The following ZNF428 variants were observed in gnomAD, a reference collection of about 807,000 sequenced individuals.
ZNF428 encodes the protein enzyme-like protein PIT13.
ZNF428 carries 5 observed loss-of-function variants against 15.6 expected under a neutral mutation model. The observed-to-expected ratio is 0.32, with a 90% confidence interval of 0.17 to 0.67. The LOEUF (loss-of-function observed/expected upper bound fraction) is 0.67, where lower values mean the gene tolerates loss of function less well. ZNF428 is among the 30% of genes least tolerant of loss of function. The pLI is 0.73. For synonymous variants in ZNF428, 97 were observed against 102.2 expected, an observed-to-expected ratio of 0.95 and a Z score of 0.31; for missense variants, 237 against 256.0, an observed-to-expected ratio of 0.93 and a Z score of 0.51.
chr19:43,613,780 G>A (rs1568535587), intron 2 of ZNF428: 3 of 1,549,766 alleles, frequency 1.9e-6, no homozygotes, highest in African/African-American at 2.7e-5. Context: ...GCCCCAGCGA[G>A]GAGAGAGAGC....
At chr19:43,614,143 C>A in intron 2 of ZNF428, 86 bp downstream of exon 2, 1 of 1,613,170 alleles carries the variant, frequency 6.2e-7, no homozygotes, top group Non-Finnish European at 8.5e-7. Flanking sequence ...CAAGCAGCCA[C>A]TCCCCATCAA....
intron 1 of ZNF428, among the ~76,000 whole-genome samples, chr19:43,616,592 C>T (rs1244559337): frequency 1.3e-5 from 2 of 152,182 alleles, no homozygotes; most frequent in African/African-American, 2.4e-5. Context: ...AATGATTTCT[C>T]AGCTCAAAAG....
chr19:43,616,346 T>C (rs1247819203), intron 1 of ZNF428, among the ~76,000 whole-genome samples: 1 of 152,204 alleles, frequency 6.6e-6, no homozygotes, highest in Non-Finnish European at 1.5e-5. Context: ...AGATAGTGTC[T>C]AGGTTTGCCA....
chr19:43,607,410 C>T lies in ZNF428; in HGVS notation c.*207G>A, dbSNP rs978524775. ...ACACACACACAAACACACACACGGG[C>T]GGGAATACACACACACACACACACA... is the stretch of plus-strand genomic sequence containing the variant. On this transcript the variant is annotated 3_prime_UTR_variant, in exon 3 of 3. Transcript: ENST00000300811. The surrounding 1 kb of genome is among the most constrained non-coding windows in gnomAD (Gnocchi z 5.1). 73 of 548,360 alleles carry T rather than the reference C, an allele frequency of 1.3e-4. No homozygotes were observed. Among genetic ancestry groups the T allele is most frequent in the East Asian group, 8.3e-4 (25 of 30,042 alleles). The allele number at this position is 548,360 out of a possible 1,614,324, so 34.0% of individuals were successfully genotyped here. A position where few individuals can be genotyped will look rare whatever the true frequency, so the allele number is the denominator to read the frequency against.
rs1275253125 is a variant in ZNF428, at chr19:43,612,720, G to A, written c.76+1509C>T. 4 of 1,551,682 alleles carry A rather than the reference G, an allele frequency of 2.6e-6. No individual in the cohort carries two copies. Among genetic ancestry groups the A allele is most frequent in the East Asian group, 4.9e-5 (2 of 40,928 alleles). ...AGCAAGAAGAGTTACCGCCCACCAG[G>A]AGGCTCAGGTATAGGGAGGAGTTCC... is the stretch of plus-strand genomic sequence containing the variant. On this transcript the variant is annotated intron_variant, in intron 2 of 2. Coordinates refer to ENST00000300811, the MANE Select transcript of ZNF428 (RefSeq NM_182498.4). The surrounding 1 kb of genome is among the most constrained non-coding windows in gnomAD (Gnocchi z 4.2).
In ZNF428 at chr19:43,607,730, C is replaced by T. The variant is rs1973253950; in HGVS notation, c.454G>A (p.Glu152Lys). ...GEGRPAGREEEEEEEEEGTYH... is the reference protein window; with the variant it reads ...GEGRPAGREEKEEEEEEGTYH... ...GTTCCCTCCTCCTCCTCTTCCTCCTCCTCCTCCCGCCCAGCTGGTCGGCCC... is the reference window on the plus strand; with the variant it reads ...GTTCCCTCCTCCTCCTCTTCCTCCTTCTCCTCCCGCCCAGCTGGTCGGCCC... The change falls in exon 3 of 3, where the codon GAG becomes AAG. Residue 152 changes from glutamate to lysine, a missense_variant. By Grantham distance (56) the Glu-to-Lys change is moderately conservative (BLOSUM62 1). Transcript: ENST00000300811. This position sits in a 1 kb window ranked among gnomAD's most constrained non-coding sequence, Gnocchi z 5.1. 6.2e-7 allele frequency: 1 copy of T among 1,613,592 alleles called. No individual in the cohort carries two copies.
chr19:43,618,565 AC>A (rs1315509286), intron 1 of ZNF428, among the ~76,000 whole-genome samples: 2 of 91,670 alleles, frequency 2.2e-5, no homozygotes, highest in African/African-American at 4.6e-5. Flanking sequence ...CTTAATTTTT[AC>A]TTTTTTTTTT....
intron 1 of ZNF428, among the ~76,000 whole-genome samples, chr19:43,615,739 AATGCTT>A (rs1973365929): frequency 6.6e-6 from 1 of 151,944 alleles, no homozygotes; most frequent in Non-Finnish European, 1.5e-5. Context: ...AACTCAAGGA[AATGCTT>A]ACTTAGATTT....
intron 2 of ZNF428, among the ~76,000 whole-genome samples, 167 bp from the exon 3 acceptor site, chr19:43,608,274 A>G (rs1353862865): frequency 2.6e-5 from 4 of 152,170 alleles, no homozygotes; most frequent in African/African-American, 9.7e-5. Context: ...ACAGAACAAG[A>G]CTGGCACCCA....
In ZNF428 at chr19:43,607,583, C is replaced by T; in HGVS notation, c.*34G>A. The stretch of plus-strand genomic sequence containing the variant: ...CCTCAGCCCCCTCCTCCCACCCCAC[C>T]CCTTCTGCCAAGCTCCCCGTATGGG... On this transcript the variant is annotated 3_prime_UTR_variant, in exon 3 of 3. Transcript: ENST00000300811. This position sits in a 1 kb window ranked among gnomAD's most constrained non-coding sequence, Gnocchi z 5.1. The T allele has an allele frequency of 6.5e-7, 1 of 1,542,022 alleles. No individual in the cohort carries two copies. The highest frequency in any genetic ancestry group is 8.8e-7 in the Non-Finnish European group (1 of 1,141,768).
chr19:43,615,767 A>G (rs1973366171), intron 1 of ZNF428, among the ~76,000 whole-genome samples: 1 of 152,104 alleles, frequency 6.6e-6, no homozygotes, highest in Non-Finnish European at 1.5e-5. Context: ...CTGGTTTATT[A>G]TAGAGGATAT....
Position 43,612,844 on chromosome 19 carries a change from G to T in ZNF428, c.76+1385C>A. ...ACCCATCTCCATCCTCATCAAGGAA[G>T]GTGAAGAGCTACGGTCAGATGATCA... On this transcript the variant is annotated intron_variant, in intron 2 of 2. Transcript: ENST00000300811. The surrounding 1 kb of genome is among the most constrained non-coding windows in gnomAD (Gnocchi z 4.2). 6.4e-7 allele frequency: 1 copy of T among 1,551,704 alleles called. No individual in the cohort carries two copies. The highest frequency in any genetic ancestry group is 8.7e-7 in the Non-Finnish European group (1 of 1,147,010).
rs369769166 is a variant in ZNF428, at chr19:43,613,966, A to G, written c.76+263T>C. On this transcript the variant is annotated intron_variant, in intron 2 of 2. Transcript: ENST00000300811. ...GACCTAGAGCCTCCAGCAAGGAGAA[A>G]GCTCATAGCCGATCTAGAACCCCCA... The G allele has an allele frequency of 1.5e-5, 24 of 1,551,748 alleles. No homozygotes were observed. In the Admixed American group the frequency reaches 1.6e-4, roughly 10 times the overall value.
chr19:43,612,084 C>A lies in ZNF428; in HGVS notation c.76+2145G>T. On this transcript the variant is annotated intron_variant, in intron 2 of 2. Coordinates refer to ENST00000300811, the MANE Select transcript of ZNF428 (RefSeq NM_182498.4). This position sits in a 1 kb window ranked among gnomAD's most constrained non-coding sequence, Gnocchi z 4.2. ...ACGGCTACCAGGTGTTTCATGTCTA[C>A]TGTGACTTCCAGGACCACAAGCCCT... 1 of 1,472,906 alleles carries A rather than the reference C, an allele frequency of 6.8e-7. No individual in the cohort carries two copies. The highest frequency in any genetic ancestry group is 9.3e-7 in the Non-Finnish European group (1 of 1,077,442). 91.2% of individuals were successfully genotyped at this position (1,472,906 alleles called of 1,614,324 possible).
Position 43,619,144 on chromosome 19 carries a change from T to C in ZNF428, c.-131+414A>G, listed in dbSNP as rs1379820795. On this transcript the variant is annotated intron_variant, in intron 1 of 2. Transcript: ENST00000300811. The stretch of plus-strand genomic sequence containing the variant: ...GGCAAAACCTTCCACTACGGGACAA[T>C]AACGGCCAGTTCCCACAATTCGTTG... Among the ~76,000 whole-genome samples the C allele has an allele frequency of 3.3e-5, 5 of 152,104 alleles. No homozygotes were observed. In the South Asian group the frequency reaches 6.2e-4, roughly 19 times the overall value.
intron 2 of ZNF428, chr19:43,613,430 T>C (rs10410000): frequency 0.13 from 176,260 of 1,312,490 alleles, 15,077 homozygotes; most frequent in East Asian, 0.22. Flanking sequence ...GGCGAGAGAT[T>C]GCAGCCGATC....
chr19:43,612,660 A>AC lies in ZNF428; in HGVS notation c.76+1568dup. On this transcript the variant is annotated intron_variant, in intron 2 of 2. Coordinates refer to ENST00000300811, the MANE Select transcript of ZNF428 (RefSeq NM_182498.4). This position sits in a 1 kb window ranked among gnomAD's most constrained non-coding sequence, Gnocchi z 4.2. ...AGTTACGGCCGGCCTAGAACCAGCA[A>AC]CAGGGAAAGGAGTGACAGCCAGCCT... 1 of 1,551,470 alleles carries AC rather than the reference A, an allele frequency of 6.4e-7. No homozygotes were observed. The highest frequency in any genetic ancestry group is 8.7e-7 in the Non-Finnish European group (1 of 1,146,966).
intron 2 of ZNF428, 158 bp downstream of exon 2, chr19:43,614,071 C>T (rs750369134): frequency 2.4e-5 from 37 of 1,556,616 alleles, no homozygotes; most frequent in South Asian, 2.1e-4. Flanking sequence ...CCAGAAGTCC[C>T]GACTGGAAGA....
Position 43,607,938 on chromosome 19 carries a change from G to T in ZNF428, c.246C>A (p.Ala82=), listed in dbSNP as rs765070392. The T allele has an allele frequency of 5.1e-6, 8 of 1,579,814 alleles. No homozygotes were observed. Among genetic ancestry groups the T allele is most frequent in the Non-Finnish European group, 6.9e-6 (8 of 1,163,084 alleles). Residue 82 remains alanine, a synonymous_variant, in exon 3 of 3, where the codon GCC becomes GCA. Coordinates refer to ENST00000300811, the MANE Select transcript of ZNF428 (RefSeq NM_182498.4). The surrounding 1 kb of genome is among the most constrained non-coding windows in gnomAD (Gnocchi z 5.1). ...GGGRGGPSRR[A]PRAAQPPAQP... is the part of the protein sequence containing the mutation. ...GGGCCGGGGGCTGGGCTGCACGGGG[G>T]GCCCGGCGGGATGGGCCACCACGGC...
Sources: gnomAD v4.1 joint callset for allele counts (sites outside exome capture counted in the v4.1 genomes callset) on GRCh38, gnomAD v4.1.1 for gene constraint, Gnocchi (gnomAD v3.1) non-coding constraint, MANE v1.5 for transcripts, NCBI Gene and HGNC (gene_info 2026-07-23, HGNC 2026-07-21) for gene names.